Variants in ANKRD35 observed in about 807,000 individuals in gnomAD.
ANKRD35 encodes the protein ankyrin repeat domain 35, also known as ankyrin repeat domain-containing protein 35.
A neutral mutation model predicts 109.9 loss-of-function variants in ANKRD35; 102 were observed. The ratio of observed to expected loss-of-function variants is 0.93; its 90% CI spans 0.79 to 1.09. The LOEUF (loss-of-function observed/expected upper bound fraction) is 1.09. Among genes scored for constraint, ANKRD35 ranks in the 50% least tolerant of loss-of-function variants. ANKRD35 has a pLI of 0.00. For missense variants in ANKRD35, 1,240 were observed against 1,230.1 expected (o/e 1.01, Z -0.12); for synonymous variants, 515 against 512.4 (o/e 1.01, Z -0.07).
At chr1:145,881,606 C>A (rs1240202800) in intron 1 of ANKRD35, among the ~76,000 whole-genome samples, 1 of 152,202 alleles carries the variant, frequency 6.6e-6, no homozygotes, top group Non-Finnish European at 1.5e-5. Context: ...GAACTATGCC[C>A]CACGACAGGG....
rs782511355 is a variant in ANKRD35 at position 145,868,298 on chromosome 1, A to G, written c.2877+13T>C. 3 of 1,613,930 alleles carry G rather than the reference A, an allele frequency of 1.9e-6. No individual in the cohort carries two copies. The highest frequency in any genetic ancestry group is 2.5e-6 in the Non-Finnish European group (3 of 1,179,816). On this transcript the variant is annotated intron_variant, in intron 11 of 13. Coordinates refer to ENST00000355594, the MANE Select transcript of ANKRD35 (RefSeq NM_144698.5). ...CTTCTTCTCCAGCACCATCCCTGAC[A>G]GCCAAAACATACCTGCAGCTGCAGG... is the stretch of plus-strand genomic sequence containing the variant.
chr1:145,871,990 C>T lies in ANKRD35; in HGVS notation c.2779G>A (p.Glu927Lys), dbSNP rs1653838626. 6.2e-7 allele frequency: 1 copy of T among 1,610,994 alleles called. No homozygotes were observed. The highest frequency in any genetic ancestry group is 8.5e-7 in the Non-Finnish European group (1 of 1,179,968). The change falls in exon 10 of 14, where the codon GAA becomes AAA. Residue 927 changes from glutamate (E) to lysine (K), a missense_variant. Transcript: ENST00000355594. ...CTACCTCAGCTGCTCACCTTGGCTT[C>T]CTTGTCTCGGCAAGCCCCAATGAGA... ...EHLIGACRDKEAKIKELLKKL... is the reference protein window; with the variant it reads ...EHLIGACRDKKAKIKELLKKL...
chr1:145,869,312 G>A (rs1018811009), intron 10 of ANKRD35, among the ~76,000 whole-genome samples: 3 of 152,094 alleles, frequency 2.0e-5, no homozygotes, highest in Admixed American at 6.5e-5. Context: ...CTCCCAAGAA[G>A]CTGGGATTAC....
At chr1:145,867,767 A>G (rs1653660972) in intron 12 of ANKRD35, among the ~76,000 whole-genome samples, 1 of 152,146 alleles carries the variant, frequency 6.6e-6, no homozygotes, top group Admixed American at 6.5e-5. Flanking sequence ...AGTCCTTACT[A>G]TAGGCCAGAG....
intron 4 of ANKRD35, 145 bp from the exon 5 acceptor site, chr1:145,877,018 G>T: frequency 1.3e-6 from 1 of 744,592 alleles, no homozygotes; most frequent in Non-Finnish European, 2.2e-6. Context: ...GGCAAGCCCA[G>T]TTCATCCATT....
Position 145,881,158 on chromosome 1 carries a change from G to T in ANKRD35, c.40-1770C>A, listed in dbSNP as rs1002913765. Among the ~76,000 whole-genome samples the T allele has an allele frequency of 7.2e-5, 11 of 152,150 alleles. 1 individual carries two copies. Among genetic ancestry groups the T allele is most frequent in the Non-Finnish European group, 1.3e-4 (9 of 68,028 alleles). ...AAAAATTAGCTGGGGGTGGTGGCCG[G>T]TGCCTGTAATCCCAGCTACAGGAGA... On this transcript the variant is annotated intron_variant, in intron 1 of 13. Transcript: ENST00000355594.
intron 12 of ANKRD35, 97 bp downstream of exon 12, chr1:145,867,894 G>T: frequency 8.4e-7 from 1 of 1,189,778 alleles, no homozygotes; most frequent in Non-Finnish European, 1.3e-6. Context: ...AACAGCAAGT[G>T]TGTACAGGGA....
chr1:145,881,058 G>A (rs1333064530), intron 1 of ANKRD35, among the ~76,000 whole-genome samples: 1 of 152,206 alleles, frequency 6.6e-6, no homozygotes, highest in Non-Finnish European at 1.5e-5. Flanking sequence ...GGCCAAGACG[G>A]GTGGATCACC....
At chr1:145,881,949 C>CTTTTTTTTTTTT (rs782253954) in intron 1 of ANKRD35, among the ~76,000 whole-genome samples, 2 of 104,636 alleles carry the variant, frequency 1.9e-5, no homozygotes, top group African/African-American at 3.8e-5. Context: ...CTTTCCCCTT[C>CTTTTTTTTTTTT]TTTTTTTTTT....
At chr1:145,868,456 G>C in intron 10 of ANKRD35, 56 bp from the exon 11 acceptor site, 1 of 1,510,598 alleles carries the variant, frequency 6.6e-7, no homozygotes, top group Non-Finnish European at 9.2e-7. Flanking sequence ...TCTCCCACAA[G>C]GGTCAAGGTC....
At position 145,876,168 on chromosome 1, in the gene ANKRD35, G is replaced by T. The variant is rs151076205; in HGVS notation, c.532C>A (p.Arg178=). 6.2e-7 allele frequency: 1 copy of T among 1,613,802 alleles called. No homozygotes were observed. Among genetic ancestry groups the T allele is most frequent in the Non-Finnish European group, 8.5e-7 (1 of 1,179,980 alleles). Residue 178 remains arginine, a synonymous_variant, in exon 7 of 14, where the codon CGA becomes AGA. Transcript: ENST00000355594. ...TCATTCTTGTCTGTAACATTAACTCGGGCGCCTCGCTGCAGCAGCTGTGAG... is the reference window on the plus strand; with the variant it reads ...TCATTCTTGTCTGTAACATTAACTCTGGCGCCTCGCTGCAGCAGCTGTGAG... ...ICSQLLQRGA[R]VNVTDKNDKS...
intron 9 of ANKRD35, 79 bp downstream of exon 9, chr1:145,874,076 C>G: frequency 6.2e-7 from 1 of 1,611,142 alleles, no homozygotes; most frequent in South Asian, 1.1e-5. Context: ...CTTGACACCC[C>G]AAGGACCACT....
At chr1:145,885,687 C>A in intron 1 of ANKRD35, 33 bp downstream of exon 1, 2 of 1,611,960 alleles carry the variant, frequency 1.2e-6, no homozygotes, top group Non-Finnish European at 1.7e-6. Context: ...GCTGGGATCC[C>A]AACCCCATCC....
chr1:145,870,838 G>A (rs1381206228), intron 10 of ANKRD35, among the ~76,000 whole-genome samples: 1 of 152,014 alleles, frequency 6.6e-6, no homozygotes, highest in African/African-American at 2.4e-5. Flanking sequence ...TCCTGCCTCA[G>A]CCTCTTGGGA....
chr1:145,875,183 T>C (rs1344132777), intron 7 of ANKRD35, among the ~76,000 whole-genome samples, 177 bp from the exon 8 acceptor site: 1 of 152,066 alleles, frequency 6.6e-6, no homozygotes, highest in African/African-American at 2.4e-5. Flanking sequence ...TTCACTCTTG[T>C]TGCCCAGGCT....
chr1:145,870,036 G>T (rs1190567088), intron 10 of ANKRD35, among the ~76,000 whole-genome samples: 1 of 151,980 alleles, frequency 6.6e-6, no homozygotes, highest in Non-Finnish European at 1.5e-5. Context: ...AGTGGTAGTA[G>T]GAATAATGAT....
At chr1:145,871,896 A>G (rs1653834268) in intron 10 of ANKRD35, 86 bp downstream of exon 10, 1 of 1,531,740 alleles carries the variant, frequency 6.5e-7, no homozygotes, top group Non-Finnish European at 8.8e-7. Context: ...CACTGCTGCA[A>G]TAAAGGTTGC....
rs116212642 is a variant in ANKRD35 at position 145,867,559 on chromosome 1, A to G, written c.2944-167T>C. ...TTTTCCCTATCTTCACAGGGAAGAT[A>G]ATGATGTCTACTTTTCAGGATTGCT... On this transcript the variant is annotated intron_variant, in intron 12 of 13. Transcript: ENST00000355594. 3.0e-3 allele frequency among the ~76,000 whole-genome samples: 452 copies of G among 152,308 alleles called. 3 individuals are homozygous for G. Among genetic ancestry groups the G allele is most frequent in the African/African-American group, 0.01 (429 of 41,568 alleles).
At position 145,872,672 on chromosome 1, in the gene ANKRD35, G is replaced by T; in HGVS notation, c.2097C>A (p.Ser699Arg). 6.2e-7 allele frequency: 1 copy of T among 1,614,112 alleles called. No homozygotes were observed. Among genetic ancestry groups the T allele is most frequent in the East Asian group, 2.2e-5 (1 of 44,882 alleles). Reference sequence around the variant, plus strand: ...GGCAGTCCCACAGCCCTCGGAGACCGCTGCTCTGGGAGGCCAGGAGCTTCC... The same window carrying T: ...GGCAGTCCCACAGCCCTCGGAGACCTCTGCTCTGGGAGGCCAGGAGCTTCC... The part of the protein sequence containing the change: ...KLRKLLASQS[S>R]GLRGLWDCLP... The change falls in exon 10 of 14, where the codon AGC becomes AGA. Residue 699 changes from serine (S) to arginine (R), a missense_variant. Physicochemically the swap from Ser to Arg is moderately radical, Grantham distance 110 (BLOSUM62 -1). Transcript: ENST00000355594.
Sources: allele counts gnomAD v4.1 joint callset (sites outside exome capture counted in the v4.1 genomes callset), GRCh38; gene constraint gnomAD v4.1.1; transcripts MANE v1.5; gene names NCBI Gene and HGNC (gene_info 2026-07-23, HGNC 2026-07-21).